HCN1: variants seen among roughly 807,000 people sequenced by gnomAD.
The protein encoded by HCN1 is hyperpolarization activated cyclic nucleotide gated potassium channel 1, also known as potassium/sodium hyperpolarization-activated cyclic nucleotide-gated channel 1.
A neutral mutation model predicts 78.9 loss-of-function variants in HCN1; 13 were observed. The observed-to-expected ratio is 0.16, with a 90% CI of 0.11 to 0.26. HCN1 has a LOEUF of 0.26. Ranked by LOEUF, HCN1 falls within the 10% of genes least tolerant of loss-of-function variation. The probability of loss-of-function intolerance (pLI) is 1.00; values close to 1 mark genes in which losing one functional copy is unlikely to be tolerated. For missense variants in HCN1, 810 were observed against 1,154.3 expected (o/e 0.70, Z 4.32); for synonymous variants, 552 against 455.5 (o/e 1.21, Z -2.70).
At chr5:45,585,595 G>A (rs776406550) in intron 2 of HCN1, among the ~76,000 whole-genome samples, 15 of 152,198 alleles carry the variant, frequency 9.9e-5, no homozygotes, top group Non-Finnish European at 1.5e-4. Context: ...GAGGAGGAGA[G>A]GCACTCTGAT....
intron 2 of HCN1, among the ~76,000 whole-genome samples, chr5:45,497,814 G>T (rs527323040): frequency 8.0e-4 from 122 of 152,310 alleles, no homozygotes; most frequent in South Asian, 1.5e-3. Flanking sequence ...TTGCTTGTCT[G>T]TAAAGGATTT....
intron 2 of HCN1, among the ~76,000 whole-genome samples, chr5:45,584,192 G>C (rs578065170): frequency 2.6e-5 from 4 of 152,148 alleles, no homozygotes; most frequent in Non-Finnish European, 5.9e-5. Flanking sequence ...CTAAGGACTT[G>C]CTTTATGAAT....
At chr5:45,363,754 G>A (rs1285247682) in intron 4 of HCN1, among the ~76,000 whole-genome samples, 1 of 151,870 alleles carries the variant, frequency 6.6e-6, no homozygotes, top group African/African-American at 2.4e-5. Flanking sequence ...GTTTATCAGG[G>A]GTTTCCGCTT....
chr5:45,338,824 A>G (rs1746517257), intron 5 of HCN1, among the ~76,000 whole-genome samples: 1 of 152,196 alleles, frequency 6.6e-6, no homozygotes. Context: ...TTCTTCAAAA[A>G]TCAGGTCTGG....
At chr5:45,363,443 C>A (rs1409876610) in intron 4 of HCN1, among the ~76,000 whole-genome samples, 1 of 151,658 alleles carries the variant, frequency 6.6e-6, no homozygotes, top group Non-Finnish European at 1.5e-5. Context: ...AATAACAGCC[C>A]CTATCCTTCA....
At chr5:45,306,242 C>G (rs899492607) in intron 5 of HCN1, among the ~76,000 whole-genome samples, 2 of 152,010 alleles carry the variant, frequency 1.3e-5, no homozygotes, top group Non-Finnish European at 2.9e-5. Flanking sequence ...ATCCCTTCAT[C>G]TTTGTACCTT....
chr5:45,532,965 T>A (rs1742889957), intron 2 of HCN1, among the ~76,000 whole-genome samples: 1 of 152,220 alleles, frequency 6.6e-6, no homozygotes, highest in African/African-American at 2.4e-5. Flanking sequence ...TCAAAGTGGC[T>A]GTGAGACAAA....
chr5:45,444,519 C>A (rs970195916), intron 3 of HCN1, among the ~76,000 whole-genome samples: 3 of 152,052 alleles, frequency 2.0e-5, no homozygotes, highest in African/African-American at 7.2e-5. Context: ...GTCACAAAAA[C>A]CCTTAGTATG....
chr5:45,483,239 G>A (rs1048667632), intron 2 of HCN1, among the ~76,000 whole-genome samples: 2 of 152,066 alleles, frequency 1.3e-5, no homozygotes, highest in Admixed American at 6.6e-5. Flanking sequence ...ATGTATAAGC[G>A]CTACCCTTTT....
chr5:45,501,829 G>T (rs751106908), intron 2 of HCN1, among the ~76,000 whole-genome samples: 5 of 151,980 alleles, frequency 3.3e-5, no homozygotes, highest in Admixed American at 1.3e-4. Context: ...ATTTCCTAAC[G>T]ATTTCATTAT....
chr5:45,278,970 A>T (rs1745112740), intron 6 of HCN1, among the ~76,000 whole-genome samples: 1 of 152,156 alleles, frequency 6.6e-6, no homozygotes, highest in South Asian at 2.1e-4. Context: ...TGGCTTACAA[A>T]GCCTAAATAT....
intron 4 of HCN1, among the ~76,000 whole-genome samples, chr5:45,376,497 C>A (rs1747680391): frequency 6.7e-6 from 1 of 150,178 alleles, no homozygotes; most frequent in South Asian, 2.1e-4. Context: ...GACTTGTCAG[C>A]CTCCAGAACT....
intron 2 of HCN1, among the ~76,000 whole-genome samples, chr5:45,602,696 G>A (rs1744648345): frequency 1.3e-5 from 2 of 152,068 alleles, no homozygotes; most frequent in African/African-American, 4.8e-5. Context: ...GATTAAGATA[G>A]AACACTTATT....
chr5:45,589,108 C>T (rs999385513), intron 2 of HCN1, among the ~76,000 whole-genome samples: 1 of 152,042 alleles, frequency 6.6e-6, no homozygotes, highest in African/African-American at 2.4e-5. Flanking sequence ...GAGAGGGTAA[C>T]CTTAAACCAA....
chr5:45,314,281 GAAAT>G (rs1745925620), intron 5 of HCN1, among the ~76,000 whole-genome samples: 2 of 151,900 alleles, frequency 1.3e-5, no homozygotes, highest in Non-Finnish European at 2.9e-5. Context: ...AAGTGAAGGA[GAAAT>G]AAAATACTTT....
chr5:45,321,713 G>A (rs577715563), intron 5 of HCN1, among the ~76,000 whole-genome samples: 12 of 151,658 alleles, frequency 7.9e-5, no homozygotes, highest in African/African-American at 2.9e-4. Context: ...GTATTTTTAT[G>A]GCAGATCATT....
intron 6 of HCN1, among the ~76,000 whole-genome samples, chr5:45,293,759 C>G (rs1439133722): frequency 6.6e-6 from 1 of 151,922 alleles, no homozygotes; most frequent in East Asian, 1.9e-4. Context: ...ACACAGAACT[C>G]TGAGGTGAGG....
intron 3 of HCN1, among the ~76,000 whole-genome samples, chr5:45,434,119 TCTC>T (rs1196091659): frequency 6.6e-6 from 1 of 152,222 alleles, no homozygotes; most frequent in South Asian, 2.1e-4. Context: ...GCTTTTCACT[TCTC>T]CTCTAGGGAG....
At chr5:45,602,664 A>T (rs1165734131) in intron 2 of HCN1, among the ~76,000 whole-genome samples, 2 of 152,120 alleles carry the variant, frequency 1.3e-5, no homozygotes, top group Non-Finnish European at 2.9e-5. Flanking sequence ...AAAGTGACAG[A>T]ATGTGTCTTT....
Sources: allele counts gnomAD v4.1 joint callset (sites outside exome capture counted in the v4.1 genomes callset), GRCh38; gene constraint gnomAD v4.1.1; transcripts MANE v1.5; gene names NCBI Gene and HGNC (gene_info 2026-07-23, HGNC 2026-07-21).